The following POLE variants were observed in gnomAD, a reference collection of about 807,000 sequenced individuals.
POLE encodes DNA polymerase epsilon catalytic subunit A.
Under a neutral mutation model 279.2 loss-of-function variants are expected in POLE, and 188 were observed. The ratio of observed to expected loss-of-function variants is 0.67; its 90% CI spans 0.60 to 0.76. The LOEUF is 0.76. Ranked by LOEUF, POLE falls within the 30% of genes least tolerant of loss-of-function variation. The pLI is 0.00. For missense variants in POLE, 2,703 were observed against 3,016.7 expected (o/e 0.90, Z 2.44); for synonymous variants, 1,214 against 1,172.5 (o/e 1.04, Z -0.72).
Position 132,642,824 on chromosome 12 carries a change from T to C in POLE, c.4724A>G (p.Tyr1575Cys), listed in dbSNP as rs1008362127. ...CRAIQRFLLAYKEERRGPTLI... is the reference protein window; with the variant it reads ...CRAIQRFLLACKEERRGPTLI... ...CAAGACCCCAACCACTCTCACCTTGTAGGCGAGCAGGAATCGCTGGATGGC... is the reference window on the plus strand; with the variant it reads ...CAAGACCCCAACCACTCTCACCTTGCAGGCGAGCAGGAATCGCTGGATGGC... Residue 1575 changes from tyrosine to cysteine, a missense_variant, in exon 36 of 49, where the codon TAC (tyrosine) becomes TGC (cysteine). Tyr to Cys is a radical substitution (Grantham distance 194). Coordinates refer to ENST00000320574, the MANE Select transcript of POLE (RefSeq NM_006231.4). The C allele has an allele frequency of 6.2e-6, 10 of 1,613,882 alleles. No homozygotes were observed. Among genetic ancestry groups the C allele is most frequent in the African/African-American group, 2.7e-5 (2 of 74,934 alleles).
At chr12:132,686,237 C>T (rs978141239) in intron 1 of POLE, among the ~76,000 whole-genome samples, 5 of 151,768 alleles carry the variant, frequency 3.3e-5, no homozygotes, top group African/African-American at 4.8e-5. Context: ...TTGCTCTGGC[C>T]ACCAAGCAGC....
At chr12:132,674,229 T>C (rs933555406) in intron 12 of POLE, among the ~76,000 whole-genome samples, 1 of 151,814 alleles carries the variant, frequency 6.6e-6, no homozygotes, top group Non-Finnish European at 1.5e-5. Context: ...CCGGAACCTG[T>C]CTCTACCTCC....
intron 16 of POLE, among the ~76,000 whole-genome samples, chr12:132,671,097 T>C (rs1212846635): frequency 6.6e-6 from 1 of 150,872 alleles, no homozygotes; most frequent in African/African-American, 2.4e-5. Flanking sequence ...ACCTCATCTC[T>C]ACTAAAAATA....
At chr12:132,626,046 G>C in intron 46 of POLE, 71 bp downstream of exon 46, 1 of 1,430,140 alleles carries the variant, frequency 7.0e-7, no homozygotes, top group Non-Finnish European at 9.6e-7. Flanking sequence ...AGCTGCAGAA[G>C]CCCTCAAGAC....
At chr12:132,638,276 C>T (rs1230375519) in intron 40 of POLE, 137 bp from the exon 41 acceptor site, 1 of 588,818 alleles carries the variant, frequency 1.7e-6, no homozygotes, top group African/African-American at 1.9e-5. Context: ...AACCCAGAAG[C>T]TAATGAAGAG....
chr12:132,630,111 CA>C (rs1394426652), intron 45 of POLE, among the ~76,000 whole-genome samples: 14 of 152,150 alleles, frequency 9.2e-5, no homozygotes, highest in Non-Finnish European at 2.1e-4. Context: ...CGCCCCAAAA[CA>C]ATTGCCATAG....
chr12:132,632,924 C>T (rs910516517), intron 43 of POLE, 129 bp from the exon 44 acceptor site: 1 of 1,059,046 alleles, frequency 9.4e-7, no homozygotes. Context: ...ATAATTTTAT[C>T]TGCAGCCTTT....
rs5744859 is a variant in POLE, at chr12:132,659,257, A to G, written c.3275+38T>C. The G allele has an allele frequency of 8.9e-6, 14 of 1,578,882 alleles. No homozygotes were observed. Among genetic ancestry groups the G allele is most frequent in the South Asian group, 3.4e-5 (3 of 89,156 alleles). On this transcript the variant is annotated intron_variant, in intron 26 of 48. Transcript: ENST00000320574. ...GGAGCCCTCACCTGTCCGTGATGGGAGGAGCCCTCACCTCTCCGTGATGGG... is the reference window on the plus strand; with the variant it reads ...GGAGCCCTCACCTGTCCGTGATGGGGGGAGCCCTCACCTCTCCGTGATGGG...
chr12:132,645,684 A>C (rs1409219658), intron 32 of POLE, among the ~76,000 whole-genome samples: 1 of 152,222 alleles, frequency 6.6e-6, no homozygotes, highest in Admixed American at 6.5e-5. Flanking sequence ...GGTTGCAATA[A>C]AGCGTTATTT....
In POLE at chr12:132,677,644, A is replaced by G. The variant is rs1555229709; in HGVS notation, c.654T>C (p.Ile218=). The G allele has an allele frequency of 6.2e-7, 1 of 1,614,154 alleles. No individual in the cohort carries two copies. The highest frequency in any genetic ancestry group is 1.3e-5 in the African/African-American group (1 of 75,040). ...GAACATCGTACTCGCGCATGTCCAC[A>G]ATGTTGTCCAACTGGTCAGCTATCT... ...SKKIADQLDN[I]VDMREYDVPY... is the part of the protein sequence containing the mutation. Residue 218 remains isoleucine, a synonymous_variant, in exon 7 of 49, where the codon ATT becomes ATC. Coordinates refer to ENST00000320574, the MANE Select transcript of POLE (RefSeq NM_006231.4).
At position 132,630,290 on chromosome 12, in the gene POLE, C is replaced by T. The variant is rs75562118; in HGVS notation, c.6330+2025G>A. 8.9e-3 allele frequency among the ~76,000 whole-genome samples: 1,353 copies of T among 152,248 alleles called. 15 individuals are homozygous for T. Among genetic ancestry groups the T allele is most frequent in the African/African-American group, 0.031 (1,291 of 41,534 alleles). On this transcript the variant is annotated intron_variant, in intron 45 of 48. Coordinates refer to ENST00000320574, the MANE Select transcript of POLE (RefSeq NM_006231.4). ...TTCCATTTATAAAAATACAGGTAAC[C>T]GCTTCGAAGCACAATAAGACAGGAT...
At chr12:132,656,633 C>T (rs2042545531) in intron 29 of POLE, among the ~76,000 whole-genome samples, 1 of 152,228 alleles carries the variant, frequency 6.6e-6, no homozygotes, top group Admixed American at 6.5e-5. Context: ...GCTGGGATTA[C>T]AGGTGTGAGC....
At chr12:132,635,753 G>A (rs113091659) in intron 42 of POLE, 139 bp downstream of exon 42, 44 of 796,748 alleles carry the variant, frequency 5.5e-5, no homozygotes, top group East Asian at 1.0e-4. Context: ...GTCCCTCCCC[G>A]TGTTCATGAG....
intron 33 of POLE, 119 bp from the exon 34 acceptor site, chr12:132,643,679 G>T: frequency 1.3e-6 from 2 of 1,482,836 alleles, no homozygotes; most frequent in East Asian, 2.3e-5. Context: ...CTGCCCAAAG[G>T]CCACTTTTGG....
At position 132,624,359 on chromosome 12, in the gene POLE, A is replaced by G. The variant is rs879345570; in HGVS notation, c.*338T>C. The stretch of plus-strand genomic sequence containing the variant: ...ACAAAGAACTAGGGGCACCTAGAGG[A>G]CGCTCCCACCCCACCAGGTGTGGTG... On this transcript the variant is annotated 3_prime_UTR_variant, in exon 49 of 49. Transcript: ENST00000320574. 2.5e-6 allele frequency: 1 copy of G among 397,216 alleles called. No individual in the cohort carries two copies. The highest frequency in any genetic ancestry group is 4.7e-6 in the Non-Finnish European group (1 of 214,658). 24.6% of individuals were successfully genotyped at this position (397,216 alleles called of 1,614,324 possible). A position where few individuals can be genotyped will look rare whatever the true frequency, so the allele number is the denominator to read the frequency against.
chr12:132,628,594 GACCGC>G (rs2041879708), intron 45 of POLE, among the ~76,000 whole-genome samples: 2 of 152,302 alleles, frequency 1.3e-5, no homozygotes, highest in South Asian at 4.1e-4. Flanking sequence ...AGCGAGCCAA[GACCGC>G]ACCACTGTAT....
At chr12:132,659,027 G>A (rs2042616625) in intron 26 of POLE, among the ~76,000 whole-genome samples, 2 of 151,674 alleles carry the variant, frequency 1.3e-5, no homozygotes, top group African/African-American at 4.8e-5. Flanking sequence ...ACCTGTAGCT[G>A]CAATTCAACC....
In POLE at chr12:132,669,375, A is replaced by C. The variant is rs188524529; in HGVS notation, c.1795-436T>G. ...GCTACTCGGAACGCTGGGGTGGAAG[A>C]ATCGCTTGAGCCCGTGAGGTCAAGG... On this transcript the variant is annotated intron_variant, in intron 16 of 48. Transcript: ENST00000320574. Among the ~76,000 whole-genome samples, 356 of 152,208 alleles carry C rather than the reference A, an allele frequency of 2.3e-3. 2 individuals carry two copies. Among genetic ancestry groups the C allele is most frequent in the Middle Eastern group, 0.01 (3 of 294 alleles).
chr12:132,653,890 C>T (rs960942024), intron 29 of POLE, among the ~76,000 whole-genome samples: 3 of 152,122 alleles, frequency 2.0e-5, no homozygotes, highest in Non-Finnish European at 4.4e-5. Flanking sequence ...AAAGTTTTAC[C>T]GCATGTTGTT....
Sources: allele counts gnomAD v4.1 joint callset (sites outside exome capture counted in the v4.1 genomes callset), GRCh38; gene constraint gnomAD v4.1.1; transcripts MANE v1.5; gene names NCBI Gene and HGNC (gene_info 2026-07-23, HGNC 2026-07-21).